BCL11B: variants seen among roughly 807,000 people sequenced by gnomAD.
BCL11B encodes BCL11 transcription factor B.
A neutral mutation model predicts 49.9 loss-of-function variants in BCL11B; 8 were observed. The ratio of observed to expected loss-of-function variants is 0.16; its 90% CI spans 0.09 to 0.29. The LOEUF (loss-of-function observed/expected upper bound fraction) is 0.29, where lower values mean the gene tolerates loss of function less well. BCL11B is among the 10% of genes least tolerant of loss of function. The pLI is 1.00. For synonymous variants in BCL11B, 739 were observed against 637.4 expected, an observed-to-expected ratio of 1.16 and a Z score of -2.40; for missense variants, 1,006 against 1,351.0, an observed-to-expected ratio of 0.74 and a Z score of 4.00.
rs1238562986 is a variant in BCL11B at position 99,178,195 on chromosome 14, C to G, written c.641-2000G>C. On this transcript the variant is annotated intron_variant, in intron 3 of 3. Coordinates refer to ENST00000357195, the MANE Select transcript of BCL11B (RefSeq NM_138576.4). Reference sequence around the variant, plus strand: ...GTTTGGCATTACATAGGGATTCTTTCCCTCTCCTCTCCTATTCTGTGTGTT... The same window carrying G: ...GTTTGGCATTACATAGGGATTCTTTGCCTCTCCTCTCCTATTCTGTGTGTT... Among the ~76,000 whole-genome samples the G allele has an allele frequency of 2.0e-5, 3 of 152,184 alleles. No individual in the cohort carries two copies. The South Asian group carries it at 6.2e-4, about 32-fold the overall frequency.
In BCL11B at chr14:99,172,399, A is replaced by ATT. The variant is rs199890567; in HGVS notation, c.*1750_*1751dup. On this transcript the variant is annotated 3_prime_UTR_variant, in exon 4 of 4. Coordinates refer to ENST00000357195, the MANE Select transcript of BCL11B (RefSeq NM_138576.4). ...TTCATATCCTCTATCTTCAACCAGA[A>ATT]TTTTTTTTTTTTTTACTTAAAGTAA... 1.5e-4 allele frequency: 29 copies of ATT among 197,790 alleles called. No homozygotes were observed. The highest frequency in any genetic ancestry group is 2.3e-4 in the East Asian group (3 of 13,036). 12.3% of individuals were successfully genotyped at this position (197,790 alleles called of 1,614,324 possible).
intron 3 of BCL11B, among the ~76,000 whole-genome samples, chr14:99,222,858 TTTCC>T (rs200993181): frequency 3.3e-5 from 5 of 150,882 alleles, no homozygotes; most frequent in African/African-American, 9.8e-5. Flanking sequence ...TCTTTCTTTC[TTTCC>T]TTCTTTCCTT....
chr14:99,260,857 C>T (rs1016297340), intron 1 of BCL11B, among the ~76,000 whole-genome samples: 27 of 152,066 alleles, frequency 1.8e-4, no homozygotes, highest in African/African-American at 6.3e-4. Context: ...TTGGCGTCCC[C>T]GAGACAGCCC....
At chr14:99,177,099 G>A (rs1886557653) in intron 3 of BCL11B, among the ~76,000 whole-genome samples, 1 of 152,052 alleles carries the variant, frequency 6.6e-6, no homozygotes, top group Admixed American at 6.5e-5. Flanking sequence ...TACTGTGACA[G>A]CTGCCCCCAC....
intron 3 of BCL11B, among the ~76,000 whole-genome samples, chr14:99,218,283 T>C (rs1350597761): frequency 2.0e-5 from 3 of 146,984 alleles, no homozygotes; most frequent in African/African-American, 7.6e-5. Flanking sequence ...GGTTTCACCA[T>C]GTTAGCCAGG....
rs1228144416 is a variant in BCL11B at position 99,271,804 on chromosome 14, A to T, written c.-586T>A. Among the ~76,000 whole-genome samples, 1 of 151,834 alleles carries T rather than the reference A, an allele frequency of 6.6e-6. No homozygotes were observed. The highest frequency in any genetic ancestry group is 1.5e-5 in the Non-Finnish European group (1 of 67,948). On this transcript the variant is annotated 5_prime_UTR_variant, in exon 1 of 4. Transcript: ENST00000357195. ...AAAAAAAAGCAAAGAAAACTTGGGG[A>T]CTTGTCTCGTACCCCCTCACCCCGC...
At chr14:99,217,950 G>C (rs1047201894) in intron 3 of BCL11B, among the ~76,000 whole-genome samples, 11 of 151,702 alleles carry the variant, frequency 7.3e-5, no homozygotes, top group African/African-American at 2.4e-5. Flanking sequence ...CTCAGAGCCA[G>C]TTTACAAAAA....
chr14:99,217,393 C>CACACACATACAG (rs1555380382), intron 3 of BCL11B, among the ~76,000 whole-genome samples: 1 of 149,502 alleles, frequency 6.7e-6, no homozygotes, highest in Admixed American at 6.6e-5. Flanking sequence ...CAGACACACA[C>CACACACATACAG]ACACACACAC....
At chr14:99,256,087 G>A (rs533653773) in intron 2 of BCL11B, among the ~76,000 whole-genome samples, 2 of 152,354 alleles carry the variant, frequency 1.3e-5, no homozygotes, top group African/African-American at 2.4e-5. Flanking sequence ...CTTTGGAGAC[G>A]TGGGGGAGAC....
intron 3 of BCL11B, among the ~76,000 whole-genome samples, chr14:99,222,243 T>C (rs563563346): frequency 7.7e-6 from 1 of 130,600 alleles, no homozygotes; most frequent in East Asian, 2.2e-4. Context: ...CTATTATTTC[T>C]TTCGCTCCCC....
intron 3 of BCL11B, among the ~76,000 whole-genome samples, chr14:99,221,967 C>T (rs1361099424): frequency 6.6e-6 from 1 of 152,224 alleles, no homozygotes; most frequent in African/African-American, 2.4e-5. Context: ...ATCTGGTTTC[C>T]CTGGCATAAT....
chr14:99,200,467 A>T (rs1021012946), intron 3 of BCL11B, among the ~76,000 whole-genome samples: 3 of 152,244 alleles, frequency 2.0e-5, no homozygotes, highest in Non-Finnish European at 4.4e-5. Context: ...CCTGTAGGGC[A>T]AGGCATCTGC....
At position 99,189,771 on chromosome 14, in the gene BCL11B, T is replaced by A. The variant is rs1388646750; in HGVS notation, c.641-13576A>T. The stretch of plus-strand genomic sequence containing the variant: ...CAAAGCCAGAGGGGAGTGCACGAGG[T>A]AGAGCGGGGGATGAGAAGGGCTGGG... On this transcript the variant is annotated intron_variant, in intron 3 of 3. Coordinates refer to ENST00000357195, the MANE Select transcript of BCL11B (RefSeq NM_138576.4). Among the ~76,000 whole-genome samples the A allele has an allele frequency of 4.0e-5, 6 of 151,714 alleles. No individual in the cohort carries two copies. The South Asian group carries it at 1.3e-3, about 32-fold the overall frequency.
chr14:99,264,402 G>T (rs1345612288), intron 1 of BCL11B: 1 of 151,520 alleles, frequency 6.6e-6, no homozygotes, highest in African/African-American at 2.4e-5. Context: ...TGTTTTAGTA[G>T]AAAACTCATT....
intron 3 of BCL11B, among the ~76,000 whole-genome samples, chr14:99,207,034 T>C (rs1431168519): frequency 6.6e-6 from 1 of 152,230 alleles, no homozygotes; most frequent in Non-Finnish European, 1.5e-5. Flanking sequence ...TGCTGAACTA[T>C]TACTTTCTTT....
At chr14:99,203,166 A>T (rs1887435693) in intron 3 of BCL11B, among the ~76,000 whole-genome samples, 1 of 152,116 alleles carries the variant, frequency 6.6e-6, no homozygotes, top group Non-Finnish European at 1.5e-5. Context: ...CCACTGCCCC[A>T]TGTGTTCCCG....
intron 1 of BCL11B, among the ~76,000 whole-genome samples, chr14:99,261,255 A>G (rs7152245): frequency 0.24 from 36,232 of 152,176 alleles, 5,254 homozygotes; most frequent in African/African-American, 0.41. Flanking sequence ...GACACCCCCA[A>G]AGACTGTGGT....
Position 99,228,027 on chromosome 14 carries a change from G to A in BCL11B, c.640+3318C>T, listed in dbSNP as rs1246418668. ...TGTGCACAAACACACATACCTGTGT[G>A]GTTTTCTCCCCCCGTAAAATCACAT... is the stretch of plus-strand genomic sequence containing the variant. On this transcript the variant is annotated intron_variant, in intron 3 of 3. Coordinates refer to ENST00000357195, the MANE Select transcript of BCL11B (RefSeq NM_138576.4). This position sits in a 1 kb window ranked among gnomAD's most constrained non-coding sequence, Gnocchi z 4.8. Among the ~76,000 whole-genome samples, 1 of 152,104 alleles carries A rather than the reference G, an allele frequency of 6.6e-6. No individual in the cohort carries two copies. The highest frequency in any genetic ancestry group is 2.4e-5 in the African/African-American group (1 of 41,410).
rs570339183 is a variant in BCL11B, at chr14:99,248,795, C to T, written c.427+8676G>A. Among the ~76,000 whole-genome samples, 24 of 152,284 alleles carry T rather than the reference C, an allele frequency of 1.6e-4. No individual in the cohort carries two copies. The highest frequency in any genetic ancestry group is 5.8e-4 in the African/African-American group (24 of 41,566). On this transcript the variant is annotated intron_variant, in intron 2 of 3. Coordinates refer to ENST00000357195, the MANE Select transcript of BCL11B (RefSeq NM_138576.4). This position sits in a 1 kb window ranked among gnomAD's most constrained non-coding sequence, Gnocchi z 4.7. ...GAAATGCACGACCTTCTGCCTGGCT[C>T]TTGCAGCTGTTAGAAACCACTGGTG...
Sources: allele counts gnomAD v4.1 joint callset (sites outside exome capture counted in the v4.1 genomes callset), GRCh38; gene constraint gnomAD v4.1.1; non-coding constraint Gnocchi (gnomAD v3.1); transcripts MANE v1.5; gene names NCBI Gene and HGNC (gene_info 2026-07-23, HGNC 2026-07-21).